MACROD2: variants seen among roughly 807,000 people sequenced by gnomAD.
MACROD2 encodes ADP-ribose glycohydrolase MACROD2.
Under a neutral mutation model 70.4 loss-of-function variants are expected in MACROD2, and 36 were observed. That is an observed-to-expected ratio of 0.51 (90% CI 0.39 to 0.68). The LOEUF is 0.68. MACROD2 is among the 30% of genes least tolerant of loss of function. MACROD2 has a pLI of 0.00. For synonymous variants in MACROD2, 172 were observed against 178.8 expected (o/e 0.96, Z 0.30); for missense variants, 496 against 538.4 (o/e 0.92, Z 0.78).
intron 4 of MACROD2, among the ~76,000 whole-genome samples, chr20:14,616,105 AT>A (rs1398120648): frequency 6.6e-6 from 1 of 152,096 alleles, no homozygotes; most frequent in African/African-American, 2.4e-5. Flanking sequence ...ACTCATGTTG[AT>A]TTGAATCCTG....
intron 6 of MACROD2, among the ~76,000 whole-genome samples, chr20:15,257,081 A>AT (rs1406418234): frequency 1.3e-5 from 2 of 151,742 alleles, no homozygotes; most frequent in Non-Finnish European, 2.9e-5. Flanking sequence ...TCTCTTAGCT[A>AT]TTTTTTTACT....
At chr20:15,154,531 A>G (rs189554676) in intron 5 of MACROD2, among the ~76,000 whole-genome samples, 1 of 152,376 alleles carries the variant, frequency 6.6e-6, no homozygotes, top group African/African-American at 2.4e-5. Context: ...TGACTTATAA[A>G]CAACAGGCAT....
intron 5 of MACROD2, among the ~76,000 whole-genome samples, chr20:14,755,628 A>C (rs1377665236): frequency 6.6e-6 from 1 of 152,226 alleles, no homozygotes; most frequent in South Asian, 2.1e-4. Flanking sequence ...ATTTAGTAGA[A>C]GGTGTGTCAA....
At chr20:15,373,868 A>G (rs1821553122) in intron 6 of MACROD2, among the ~76,000 whole-genome samples, 1 of 152,174 alleles carries the variant, frequency 6.6e-6, no homozygotes, top group African/African-American at 2.4e-5. Context: ...TATTTGCAGT[A>G]CTTTTCCTTG....
intron 8 of MACROD2, among the ~76,000 whole-genome samples, chr20:15,759,145 C>CAAAAAAA (rs57212358): frequency 3.2e-4 from 19 of 58,906 alleles, no homozygotes; most frequent in Admixed American, 4.7e-4. Flanking sequence ...GACTCCATCT[C>CAAAAAAA]AAAAAAAAAA....
intron 5 of MACROD2, among the ~76,000 whole-genome samples, chr20:14,833,641 A>G (rs569221558): frequency 1.3e-5 from 2 of 152,022 alleles, no homozygotes; most frequent in Non-Finnish European, 2.9e-5. Context: ...TTAAAACTTC[A>G]ATTATTTCGA....
chr20:15,406,774 G>A (rs1207452005), intron 6 of MACROD2, among the ~76,000 whole-genome samples: 2 of 152,140 alleles, frequency 1.3e-5, no homozygotes, highest in South Asian at 2.1e-4. Flanking sequence ...TTAATTGATA[G>A]CAGCTGAGCA....
intron 5 of MACROD2, among the ~76,000 whole-genome samples, chr20:14,788,616 G>C (rs2072405043): frequency 6.7e-6 from 1 of 148,752 alleles, no homozygotes; most frequent in Non-Finnish European, 1.5e-5. Flanking sequence ...TTAGGAAAGA[G>C]AACATTCTGA....
chr20:15,940,703 A>G (rs1385299041), intron 12 of MACROD2, among the ~76,000 whole-genome samples: 4 of 152,202 alleles, frequency 2.6e-5, no homozygotes, highest in Non-Finnish European at 5.9e-5. Flanking sequence ...GTTAGAGTAC[A>G]TTAACTGTTT....
intron 5 of MACROD2, among the ~76,000 whole-genome samples, chr20:14,710,208 G>A (rs1487412110): frequency 1.3e-5 from 2 of 152,126 alleles, no homozygotes; most frequent in South Asian, 2.1e-4. Flanking sequence ...AGAGATTTCA[G>A]TTATATTTAC....
chr20:14,793,864 G>A (rs977213763), intron 5 of MACROD2, among the ~76,000 whole-genome samples: 1 of 152,058 alleles, frequency 6.6e-6, no homozygotes, highest in Non-Finnish European at 1.5e-5. Context: ...GCTGACTGCT[G>A]CTGCTGGAGG....
chr20:16,045,584 AG>A (rs2147621232), intron 17 of MACROD2, among the ~76,000 whole-genome samples: 1 of 152,190 alleles, frequency 6.6e-6, no homozygotes, highest in East Asian at 1.9e-4. Context: ...CAAGGGTTCA[AG>A]GGGGAGTTGT....
intron 7 of MACROD2, among the ~76,000 whole-genome samples, chr20:15,488,183 G>A (rs1316145721): frequency 3.9e-5 from 6 of 152,156 alleles, no homozygotes; most frequent in South Asian, 2.1e-4. Flanking sequence ...TCAAGGTCAC[G>A]TGCATGGAGT....
chr20:15,243,943 A>G lies in MACROD2; in HGVS notation c.540+13882A>G, dbSNP rs144817439. Among the ~76,000 whole-genome samples the G allele has an allele frequency of 6.6e-4, 100 of 152,208 alleles. 1 individual carries two copies. In the East Asian group the frequency reaches 0.012, roughly 18 times the overall value. ...TCCATCTCAAAAACAAAAAAAAGAAAGAAAATTTTGTGAGCTGATTATTAA... is the reference window on the plus strand; with the variant it reads ...TCCATCTCAAAAACAAAAAAAAGAAGGAAAATTTTGTGAGCTGATTATTAA... On this transcript the variant is annotated intron_variant, in intron 6 of 17. Transcript: ENST00000684519.
At chr20:14,547,843 T>C (rs1274823222) in intron 4 of MACROD2, among the ~76,000 whole-genome samples, 1 of 152,166 alleles carries the variant, frequency 6.6e-6, no homozygotes, top group East Asian at 1.9e-4. Flanking sequence ...ATTTCCAAAA[T>C]GGCTTCTCTT....
intron 6 of MACROD2, among the ~76,000 whole-genome samples, chr20:15,358,173 G>A (rs1032355979): frequency 2.0e-5 from 3 of 152,118 alleles, no homozygotes; most frequent in African/African-American, 4.8e-5. Flanking sequence ...CATGATTTTG[G>A]ACAAAGCAGA....
intron 4 of MACROD2, among the ~76,000 whole-genome samples, chr20:14,600,710 C>T (rs939313100): frequency 1.3e-5 from 2 of 152,144 alleles, no homozygotes; most frequent in South Asian, 2.1e-4. Context: ...GGCACCTAAA[C>T]GTTAGTTCAT....
At chr20:14,175,963 T>C (rs2081260329) in intron 3 of MACROD2, among the ~76,000 whole-genome samples, 2 of 152,214 alleles carry the variant, frequency 1.3e-5, no homozygotes, top group African/African-American at 4.8e-5. Context: ...TAATTTTTCA[T>C]GCATTACTTA....
chr20:15,544,509 A>G (rs1228023856), intron 8 of MACROD2, among the ~76,000 whole-genome samples: 1 of 152,218 alleles, frequency 6.6e-6, no homozygotes, highest in Non-Finnish European at 1.5e-5. Flanking sequence ...GAAGCCAATC[A>G]TGATTAGATT....
Sources: gnomAD v4.1 joint callset for allele counts (sites outside exome capture counted in the v4.1 genomes callset) on GRCh38, gnomAD v4.1.1 for gene constraint, MANE v1.5 for transcripts, NCBI Gene and HGNC (gene_info 2026-07-23, HGNC 2026-07-21) for gene names.